INF2: variants seen among roughly 807,000 people sequenced by gnomAD.
The protein encoded by INF2 is inverted formin-2.
In INF2, 43 loss-of-function variants were observed where a neutral mutation model predicts 123.5. That is an observed-to-expected ratio of 0.35 (90% CI 0.27 to 0.45). The LOEUF (loss-of-function observed/expected upper bound fraction) is 0.45, where lower values mean the gene tolerates loss of function less well. Ranked by LOEUF, INF2 falls within the 20% of genes least tolerant of loss-of-function variation. INF2 has a pLI of 1.00. For missense variants in INF2, 1,453 were observed against 1,682.7 expected (o/e 0.86, Z 2.39); for synonymous variants, 851 against 745.0 (o/e 1.14, Z -2.32).
chr14:104,722,235 C>G lies in INF2; in HGVS notation c.*3442C>G, dbSNP rs149666255. 4.6e-5 allele frequency: 7 copies of G among 152,406 alleles called. No homozygotes were observed. Among genetic ancestry groups the G allele is most frequent in the Admixed American group, 2.0e-4 (3 of 15,304 alleles). 9.4% of individuals were successfully genotyped at this position (152,406 alleles called of 1,614,324 possible). A position where few individuals can be genotyped will look rare whatever the true frequency, so the allele number is the denominator to read the frequency against. On this transcript the variant is annotated 3_prime_UTR_variant, in exon 23 of 23. Transcript: ENST00000392634. ...TTAGAAAAGCCCCAACTCCCTGCCC[C>G]TACCCGGGCCCGTGGCTATTTATAG...
intron 1 of INF2, among the ~76,000 whole-genome samples, chr14:104,694,324 A>G (rs1196227399): frequency 6.6e-6 from 1 of 152,238 alleles, no homozygotes; most frequent in Non-Finnish European, 1.5e-5. Context: ...AGCATTGCCA[A>G]GCGGCATGTT....
At chr14:104,694,188 T>C (rs983830472) in intron 1 of INF2, among the ~76,000 whole-genome samples, 1 of 152,344 alleles carries the variant, frequency 6.6e-6, no homozygotes, top group South Asian at 2.1e-4. Context: ...CGGGCGGTGC[T>C]GGCACAGCCA....
chr14:104,703,563 C>A, intron 4 of INF2, 109 bp downstream of exon 4: 1 of 1,425,264 alleles, frequency 7.0e-7, no homozygotes, highest in Non-Finnish European at 9.7e-7. Flanking sequence ...CTGCCCCCGA[C>A]CCAGGGCCCC....
In INF2 at chr14:104,709,605, T is replaced by C. The variant is rs765922511; in HGVS notation, c.2053-15T>C. The C allele has an allele frequency of 6.2e-7, 1 of 1,610,578 alleles. No homozygotes were observed. Among genetic ancestry groups the C allele is most frequent in the South Asian group, 1.1e-5 (1 of 91,038 alleles). On this transcript the variant is annotated splice_polypyrimidine_tract_variant and intron_variant, in intron 11 of 22. Transcript: ENST00000392634. The stretch of plus-strand genomic sequence containing the variant: ...TGGCATGGGGGGATCCCACATGCCG[T>C]TCTCCTCCTGGCAGATTGAAAACCT...
Position 104,721,033 on chromosome 14 carries a change from T to C in INF2, c.*2240T>C, listed in dbSNP as rs1337201265. 1 of 42,236 alleles carries C rather than the reference T, an allele frequency of 2.4e-5. No homozygotes were observed. Among genetic ancestry groups the C allele is most frequent in the Non-Finnish European group, 3.9e-5 (1 of 25,846 alleles). 2.6% of individuals were successfully genotyped at this position (42,236 alleles called of 1,614,324 possible). A position where few individuals can be genotyped will look rare whatever the true frequency, so the allele number is the denominator to read the frequency against. On this transcript the variant is annotated 3_prime_UTR_variant, in exon 23 of 23. Coordinates refer to ENST00000392634, the MANE Select transcript of INF2 (RefSeq NM_022489.4). ...GCTGCTGTGGACGTCTGCGTCGTCC[T>C]CGTGTGGATGCTGCTGTGGACGTCT...
upstream of INF2, among the ~76,000 whole-genome samples, chr14:104,686,358 A>G (rs1392100310): frequency 7.6e-6 from 1 of 131,362 alleles, no homozygotes; most frequent in Non-Finnish European, 1.6e-5. Context: ...GTGGATGGGT[A>G]GGTGTATGGA....
At chr14:104,715,198 C>A in intron 21 of INF2, 86 bp from the exon 22 acceptor site, 1 of 1,328,342 alleles carries the variant, frequency 7.5e-7, no homozygotes, top group Non-Finnish European at 1.1e-6. Flanking sequence ...GCATGGCTGT[C>A]CCGGGCCCCC....
Position 104,714,284 on chromosome 14 carries a change from C to T in INF2, c.3122C>T (p.Ala1041Val). 6.3e-7 allele frequency: 1 copy of T among 1,593,022 alleles called. No individual in the cohort carries two copies. Among genetic ancestry groups the T allele is most frequent in the Non-Finnish European group, 8.5e-7 (1 of 1,171,248 alleles). ...ASEPGLDATT[A>V]SESRGWDLVD... ...GAGCCCGGCCTTGATGCTACAACAG[C>T]CAGCGAGTCCCGGGGCTGGGACCTT... Residue 1041 changes from alanine (A) to valine (V), a missense_variant, in exon 21 of 23, where the codon GCC becomes GTC. By Grantham distance (64) the Ala-to-Val change is moderately conservative. This residue lies in a region of INF2 where 344 missense variants were observed against 333.1 expected (regional missense o/e 1.03). Transcript: ENST00000392634.
chr14:104,709,400 C>T lies in INF2; in HGVS notation c.2052+17C>T. 6.3e-7 allele frequency: 1 copy of T among 1,583,678 alleles called. No homozygotes were observed. Among genetic ancestry groups the T allele is most frequent in the Non-Finnish European group, 8.7e-7 (1 of 1,153,414 alleles). ...AAGCACGAGGTAAGAGGACCACCCC[C>T]ACACCCCACCCCCAGTTAGTGCCAC... On this transcript the variant is annotated intron_variant, in intron 11 of 22. Transcript: ENST00000392634.
chr14:104,701,736 ACGTGCGCCAGCTCTCCCAGGGT>A lies in INF2; in HGVS notation c.372_391+2del, dbSNP rs1889513651. 6.6e-7 allele frequency: 1 copy of A among 1,522,504 alleles called. No homozygotes were observed. The highest frequency in any genetic ancestry group is 2.0e-5 in the Admixed American group (1 of 49,612). 94.3% of individuals were successfully genotyped at this position (1,522,504 alleles called of 1,614,324 possible). ...GAGTACATCCTCAGCAACCAGGGCTACGTGCGCCAGCTCTCCCAGGGTGAGCCGCAGTGTGGGAGGGCCGCCC... is the reference window on the plus strand; with the variant it reads ...GAGTACATCCTCAGCAACCAGGGCTAGAGCCGCAGTGTGGGAGGGCCGCCC... On this transcript the variant is annotated splice_donor_variant and coding_sequence_variant, in exon 2 of 23. Transcript: ENST00000392634. LOFTEE classifies it high-confidence loss of function.
intron 1 of INF2, among the ~76,000 whole-genome samples, chr14:104,698,525 TGA>T (rs1237677865): frequency 3.3e-5 from 5 of 152,226 alleles, no homozygotes; most frequent in Admixed American, 2.6e-4. Flanking sequence ...GGGGATGCCC[TGA>T]GAGAGGCTGC....
In INF2 at chr14:104,706,173, C is replaced by T. The variant is rs2140663588; in HGVS notation, c.840C>T (p.His280=). The T allele has an allele frequency of 3.2e-6, 5 of 1,577,100 alleles. No individual in the cohort carries two copies. Among genetic ancestry groups the T allele is most frequent in the Non-Finnish European group, 4.3e-6 (5 of 1,161,910 alleles). ...SHQEVFASLF[H]KVSCSPVSAQ... ...AGGAGGTCTTTGCCTCCCTGTTCCA[C>T]AAGGTGGGCTGGGGGCTGCAGGGCG... is the stretch of plus-strand genomic sequence containing the variant. The change falls in exon 6 of 23, where the codon CAC becomes CAT. Residue 280 remains histidine, a synonymous_variant. Coordinates refer to ENST00000392634, the MANE Select transcript of INF2 (RefSeq NM_022489.4).
At position 104,712,906 on chromosome 14, in the gene INF2, C is replaced by T; in HGVS notation, c.2689C>T (p.Leu897=). Residue 897 remains leucine (L), a synonymous_variant, in exon 18 of 23, where the codon CTG becomes TTG. Transcript: ENST00000392634. ...GAAGCAACGGGAGCTGGCCGACTAC[C>T]TGTGTGAGGACGCCCAGCAGCTGTC... ...EQKQRELADY[L]CEDAQQLSLE... 1 of 1,612,740 alleles carries T rather than the reference C, an allele frequency of 6.2e-7. No homozygotes were observed. The highest frequency in any genetic ancestry group is 8.5e-7 in the Non-Finnish European group (1 of 1,179,818).
chr14:104,711,649 C>T lies in INF2; in HGVS notation c.2439C>T (p.Pro813=), dbSNP rs543495305. 9.9e-6 allele frequency: 16 copies of T among 1,612,490 alleles called. No homozygotes were observed. Among genetic ancestry groups the T allele is most frequent in the Admixed American group, 5.0e-5 (3 of 60,012 alleles). The change falls in exon 16 of 23, where the codon CCC becomes CCT. Residue 813 remains proline, a synonymous_variant. Transcript: ENST00000392634. ...TGCAGGAAGCGGAAAAGAGCCACCC[C>T]GACCTCCTGCAGCTGCCCCGGGACC... ...HVLEEAEKSH[P]DLLQLPRDLE...
At chr14:104,681,664 C>T in intron 1 of INF2, 2 of 1,148,188 alleles carry the variant, frequency 1.7e-6, no homozygotes, top group Non-Finnish European at 2.3e-6. Context: ...TGGCTGCAAG[C>T]ATCTGAGTGC....
rs1215802264 is a variant in INF2 at position 104,707,431 on chromosome 14, A to G, written c.1164A>G (p.Pro388=). 6.4e-7 allele frequency: 1 copy of G among 1,574,468 alleles called. No homozygotes were observed. Among genetic ancestry groups the G allele is most frequent in the Admixed American group, 1.8e-5 (1 of 54,972 alleles). The change falls in exon 8 of 23, where the codon CCA becomes CCG. Residue 388 remains proline (P), a synonymous_variant. Coordinates refer to ENST00000392634, the MANE Select transcript of INF2 (RefSeq NM_022489.4). ...TPKPSVEGQQ[P]AAAAACEPVD... ...AGCCCAGCGTGGAGGGCCAGCAGCC[A>G]GCAGCAGCTGCTGCCTGCGAGCCCG...
chr14:104,707,763 G>T lies in INF2; in HGVS notation c.1496G>T (p.Cys499Phe). 7 of 1,042,960 alleles carry T rather than the reference G, an allele frequency of 6.7e-6. No individual in the cohort carries two copies. Among genetic ancestry groups the T allele is most frequent in the Non-Finnish European group, 9.5e-6 (7 of 737,556 alleles). The allele number at this position is 1,042,960 out of a possible 1,614,324, so 64.6% of individuals were successfully genotyped here. A position where few individuals can be genotyped will look rare whatever the true frequency, so the allele number is the denominator to read the frequency against. The change falls in exon 8 of 23, where the codon TGC (cysteine) becomes TTC (phenylalanine). Residue 499 changes from cysteine to phenylalanine, a missense_variant. By Grantham distance (205) the Cys-to-Phe change is radical (BLOSUM62 -2). Transcript: ENST00000392634. ...PPPPPLPGLG[C>F]PPPPPPLLPG... ...CCTCCACCACTCCCGGGCTTGGGATGCCCGCCCCCACCCCCACCCCTGCTG... is the reference window on the plus strand; with the variant it reads ...CCTCCACCACTCCCGGGCTTGGGATTCCCGCCCCCACCCCCACCCCTGCTG...
intron 21 of INF2, among the ~76,000 whole-genome samples, chr14:104,715,077 C>A (rs1228414496): frequency 6.6e-6 from 1 of 152,224 alleles, no homozygotes; most frequent in East Asian, 1.9e-4. Context: ...TTCCGACCTT[C>A]ACGCCACCTC....
Position 104,706,091 on chromosome 14 carries a change from C to T in INF2, c.758C>T (p.Ala253Val). ...CTGGAGGCTTTCGAGGAGGCTAAGG[C>T]CGAGGACGAGGAGGAGCTGCTGCGA... Reference protein sequence around the residue: ...IQLEAFEEAKAEDEEELLRVS... With the variant: ...IQLEAFEEAKVEDEEELLRVS... The change falls in exon 6 of 23, where the codon GCC becomes GTC. Residue 253 changes from alanine to valine, a missense_variant. This residue lies in a region of INF2 where 251 missense variants were observed against 349.4 expected (regional missense o/e 0.72). Transcript: ENST00000392634. The T allele has an allele frequency of 1.2e-6, 2 of 1,612,542 alleles. No individual in the cohort carries two copies. Among genetic ancestry groups the T allele is most frequent in the Non-Finnish European group, 1.7e-6 (2 of 1,179,702 alleles).
Sources: gnomAD v4.1 joint callset for allele counts (sites outside exome capture counted in the v4.1 genomes callset) on GRCh38, gnomAD v4.1.1 for gene constraint, gnomAD v4.1.1 regional missense constraint, MANE v1.5 for transcripts, NCBI Gene and HGNC (gene_info 2026-07-23, HGNC 2026-07-21) for gene names.